Variants in GLT1D1 observed in about 807,000 individuals in gnomAD.
GLT1D1 encodes glycosyltransferase 1 domain-containing protein 1.
A neutral mutation model predicts 28.7 loss-of-function variants in GLT1D1; 21 were observed. The observed-to-expected ratio is 0.73, with a 90% CI of 0.52 to 1.05. The LOEUF (loss-of-function observed/expected upper bound fraction) is 1.05. Ranked by LOEUF, GLT1D1 falls within the 50% of genes least tolerant of loss-of-function variation. The pLI is 0.00. For synonymous variants in GLT1D1, 147 were observed against 124.8 expected (o/e 1.18, Z -1.19); for missense variants, 343 against 330.6 (o/e 1.04, Z -0.29).
chr12:128,907,820 G>A (rs1027159016), intron 4 of GLT1D1, among the ~76,000 whole-genome samples: 2 of 152,072 alleles, frequency 1.3e-5, no homozygotes, highest in Non-Finnish European at 2.9e-5. Flanking sequence ...TCCATGACCC[G>A]GGGCTCAAAT....
intron 3 of GLT1D1, among the ~76,000 whole-genome samples, chr12:128,890,719 C>A (rs1406200181): frequency 6.6e-6 from 1 of 151,692 alleles, no homozygotes; most frequent in Admixed American, 6.6e-5. Context: ...CAGGAGGTGG[C>A]CAGGTGCGGT....
intron 6 of GLT1D1, among the ~76,000 whole-genome samples, chr12:128,955,318 T>C (rs2135510468): frequency 8.5e-6 from 1 of 117,644 alleles, no homozygotes; most frequent in African/African-American, 2.7e-5. Context: ...ACAGTCTCTT[T>C]CTCTCTCTTT....
intron 1 of GLT1D1, among the ~76,000 whole-genome samples, chr12:128,864,401 C>A (rs1334244198): frequency 6.6e-6 from 1 of 151,920 alleles, no homozygotes; most frequent in African/African-American, 2.4e-5. Flanking sequence ...ATTTCCCAAG[C>A]AGAAGGGCTG....
At chr12:128,955,174 T>C (rs1877143853) in intron 6 of GLT1D1, among the ~76,000 whole-genome samples, 2 of 152,134 alleles carry the variant, frequency 1.3e-5, no homozygotes, top group Admixed American at 1.3e-4. Flanking sequence ...ACAAATGTGA[T>C]TATCTGTTTA....
intron 4 of GLT1D1, among the ~76,000 whole-genome samples, chr12:128,920,184 C>T (rs1190410575): frequency 6.6e-6 from 1 of 152,130 alleles, no homozygotes; most frequent in Non-Finnish European, 1.5e-5. Context: ...TCAGCTTTTT[C>T]AGCTATAATT....
chr12:128,979,845 A>C (rs1880148173), intron 7 of GLT1D1, among the ~76,000 whole-genome samples: 1 of 147,300 alleles, frequency 6.8e-6, no homozygotes, highest in Non-Finnish European at 1.5e-5. Context: ...CAGAACACTT[A>C]CACTAACCTA....
chr12:128,900,179 G>A (rs1173606437), intron 4 of GLT1D1, among the ~76,000 whole-genome samples: 1 of 152,202 alleles, frequency 6.6e-6, no homozygotes, highest in African/African-American at 2.4e-5. Flanking sequence ...GTTTCCCTTT[G>A]GTGAGTGAGG....
intron 4 of GLT1D1, among the ~76,000 whole-genome samples, chr12:128,905,485 A>G (rs1411146497): frequency 1.3e-5 from 2 of 152,212 alleles, no homozygotes. Context: ...TTCAGCCCCC[A>G]GGGCTGCTCT....
chr12:128,942,993 C>T (rs376386091), intron 4 of GLT1D1, among the ~76,000 whole-genome samples: 10 of 152,196 alleles, frequency 6.6e-5, no homozygotes, highest in South Asian at 2.1e-4. Context: ...ATGATCCACC[C>T]GCCTCGGCCT....
chr12:128,892,759 GT>G (rs1188426272), intron 3 of GLT1D1, among the ~76,000 whole-genome samples: 1 of 151,688 alleles, frequency 6.6e-6, no homozygotes, highest in African/African-American at 2.4e-5. Context: ...TATTTTTGAA[GT>G]TTTTTTAGTA....
chr12:128,952,723 C>T (rs2135505217), intron 6 of GLT1D1, among the ~76,000 whole-genome samples: 1 of 148,316 alleles, frequency 6.7e-6, no homozygotes, highest in South Asian at 2.2e-4. Context: ...GAGCCGCCTG[C>T]CTCGGCCTCC....
At position 128,854,394 on chromosome 12, in the gene GLT1D1, CGTGTGTGTGTGTGT is replaced by C. The variant is rs56655033; in HGVS notation, c.68+776_68+789del. 1.9e-3 allele frequency among the ~76,000 whole-genome samples: 269 copies of C among 143,950 alleles called. 3 individuals are homozygous for C. The highest frequency in any genetic ancestry group is 6.0e-3 in the African/African-American group (233 of 38,672). The allele number at this position is 143,950 out of a possible 152,430, so 94.4% of individuals were successfully genotyped here. A position where few individuals can be genotyped will look rare whatever the true frequency, so the allele number is the denominator to read the frequency against. On this transcript the variant is annotated intron_variant, in intron 1 of 7. Transcript: ENST00000281703. The stretch of plus-strand genomic sequence containing the variant: ...TTAGAGCCTGCAGCTTAACAGAAGC[CGTGTGTGTGTGTGT>C]GTGTGTGTGTGTGTGTGTGTGTGTG...
intron 4 of GLT1D1, among the ~76,000 whole-genome samples, chr12:128,919,979 C>CCA (rs1379865622): frequency 4.9e-3 from 10 of 2,032 alleles, no homozygotes; most frequent in Non-Finnish European, 6.5e-3. Context: ...CTCTCTCTCT[C>CCA]TCTCTCTCTC....
At chr12:128,885,846 A>C (rs1957162500) in intron 2 of GLT1D1, among the ~76,000 whole-genome samples, 1 of 152,146 alleles carries the variant, frequency 6.6e-6, no homozygotes, top group Non-Finnish European at 1.5e-5. Context: ...CGACTCTCCC[A>C]CTGTTTTACT....
intron 4 of GLT1D1, among the ~76,000 whole-genome samples, chr12:128,937,449 G>A (rs1357822152): frequency 6.6e-6 from 1 of 152,164 alleles, no homozygotes; most frequent in African/African-American, 2.4e-5. Flanking sequence ...TGTGGTAGGA[G>A]GTGTTACCAT....
In GLT1D1 at chr12:128,881,561, A is replaced by AAAATATAT. The variant is rs1555262848; in HGVS notation, c.217+5500_217+5501insAATATATA. On this transcript the variant is annotated intron_variant, in intron 2 of 7. Transcript: ENST00000281703. ...AAAAAAAAAAAAAAAAAAAAAAAAAAATATATATATATATATATATATATA... is the reference window on the plus strand; with the variant it reads ...AAAAAAAAAAAAAAAAAAAAAAAAAAAAATATATATATATATATATATATATATATATA... 3.9e-4 allele frequency among the ~76,000 whole-genome samples: 13 copies of AAAATATAT among 33,724 alleles called. 1 individual carries two copies. Among genetic ancestry groups the AAAATATAT allele is most frequent in the Non-Finnish European group, 5.2e-4 (10 of 19,332 alleles). The allele number at this position is 33,724 out of a possible 152,430, so 22.1% of individuals were successfully genotyped here.
At position 128,864,019 on chromosome 12, in the gene GLT1D1, C is replaced by T. The variant is rs941845787; in HGVS notation, c.68+10370C>T. 4.4e-5 allele frequency: 19 copies of T among 430,324 alleles called. No homozygotes were observed. The South Asian group carries it at 4.5e-4, about 10-fold the overall frequency. The allele number at this position is 430,324 out of a possible 1,614,324, so 26.7% of individuals were successfully genotyped here. On this transcript the variant is annotated intron_variant, in intron 1 of 7. Coordinates refer to ENST00000281703, the MANE Select transcript of GLT1D1 (RefSeq NM_144669.3). Reference sequence around the variant, plus strand: ...GAAGGACCCTGCGATGCTGTGGCAGCGGGGAGAGAAGAGCACTAGGGGGAC... The same window carrying T: ...GAAGGACCCTGCGATGCTGTGGCAGTGGGGAGAGAAGAGCACTAGGGGGAC...
At chr12:128,909,273 G>C (rs1461301341) in intron 4 of GLT1D1, among the ~76,000 whole-genome samples, 1 of 151,916 alleles carries the variant, frequency 6.6e-6, no homozygotes, top group Non-Finnish European at 1.5e-5. Flanking sequence ...CATTGCAGGA[G>C]TTCAGTGGCA....
chr12:128,894,613 T>C (rs1249992714), intron 3 of GLT1D1, among the ~76,000 whole-genome samples: 34 of 151,794 alleles, frequency 2.2e-4, no homozygotes, highest in Non-Finnish European at 4.4e-5. Context: ...GGAGGCTGAG[T>C]TGGGTGGATC....
Sources: allele counts gnomAD v4.1 joint callset (sites outside exome capture counted in the v4.1 genomes callset), GRCh38; gene constraint gnomAD v4.1.1; transcripts MANE v1.5; gene names NCBI Gene and HGNC (gene_info 2026-07-23, HGNC 2026-07-21).